DSCAM: variants seen among roughly 807,000 people sequenced by gnomAD.
The protein encoded by DSCAM is cell adhesion molecule DSCAM.
Under a neutral mutation model 217.7 loss-of-function variants are expected in DSCAM, and 47 were observed. The ratio of observed to expected loss-of-function variants is 0.22; its 90% confidence interval spans 0.17 to 0.28. The LOEUF is 0.28. Among genes scored for constraint, DSCAM ranks in the 10% least tolerant of loss-of-function variants. The pLI is 1.00. For missense variants in DSCAM, 2,080 were observed against 2,618.3 expected (o/e 0.79, Z 4.49); for synonymous variants, 1,056 against 1,015.3 (o/e 1.04, Z -0.76).
intron 3 of DSCAM, among the ~76,000 whole-genome samples, chr21:40,413,295 A>G (rs2075340231): frequency 1.3e-5 from 2 of 152,174 alleles, no homozygotes; most frequent in African/African-American, 4.8e-5. Context: ...ATCCACTGAC[A>G]ACTTGCATCA....
At chr21:40,202,626 A>G (rs558670904) in intron 11 of DSCAM, among the ~76,000 whole-genome samples, 57 of 152,328 alleles carry the variant, frequency 3.7e-4, no homozygotes, top group African/African-American at 1.3e-3. Flanking sequence ...GATCTCCTCT[A>G]CCTGAAGATT....
chr21:40,497,296 T>G (rs1472553121), intron 3 of DSCAM, among the ~76,000 whole-genome samples: 2 of 152,184 alleles, frequency 1.3e-5, no homozygotes, highest in East Asian at 3.8e-4. Flanking sequence ...AATATTCAGC[T>G]TTATAAAAAA....
intron 3 of DSCAM, among the ~76,000 whole-genome samples, chr21:40,681,605 A>G (rs2090401667): frequency 6.6e-6 from 1 of 151,992 alleles, no homozygotes; most frequent in African/African-American, 2.4e-5. Flanking sequence ...AAGAATTGGA[A>G]GAATTTGTAA....
chr21:40,706,429 C>T (rs1307179143), intron 2 of DSCAM, among the ~76,000 whole-genome samples: 1 of 151,998 alleles, frequency 6.6e-6, no homozygotes, highest in African/African-American at 2.4e-5. Context: ...ATGAGTAAAC[C>T]TTCCTTCAAT....
intron 3 of DSCAM, among the ~76,000 whole-genome samples, chr21:40,449,625 A>G (rs1227292132): frequency 6.6e-6 from 1 of 152,184 alleles, no homozygotes; most frequent in Non-Finnish European, 1.5e-5. Flanking sequence ...GTTATTTTAA[A>G]AGCTAGTTCT....
chr21:40,783,262 T>C (rs2091563980), intron 1 of DSCAM, among the ~76,000 whole-genome samples: 1 of 152,172 alleles, frequency 6.6e-6, no homozygotes, highest in African/African-American at 2.4e-5. Flanking sequence ...TGATTTACAA[T>C]AGATGAGGTG....
At chr21:40,467,347 A>G (rs935203180) in intron 3 of DSCAM, among the ~76,000 whole-genome samples, 4 of 152,240 alleles carry the variant, frequency 2.6e-5, no homozygotes, top group African/African-American at 9.6e-5. Context: ...GATTTAATCT[A>G]CAAAATAATT....
In DSCAM at chr21:40,682,665, AGGGGGAGGGGAGGGGAGGG is replaced by A. The variant is rs2090418526; in HGVS notation, c.508+10126_508+10144del. Among the ~76,000 whole-genome samples the A allele has an allele frequency of 7.8e-5, 2 of 25,746 alleles. 1 individual carries two copies. The highest frequency in any genetic ancestry group is 2.6e-4 in the African/African-American group (2 of 7,800). 16.9% of individuals were successfully genotyped at this position (25,746 alleles called of 152,430 possible). On this transcript the variant is annotated intron_variant, in intron 3 of 32. Coordinates refer to ENST00000400454, the MANE Select transcript of DSCAM (RefSeq NM_001389.5). ...AGAGGAAGGGAAGGGAAGGGAGCGG[AGGGGGAGGGGAGGGGAGGG>A]GAAGGGAGCGGAGGGGAAGGGAGCG...
intron 16 of DSCAM, among the ~76,000 whole-genome samples, chr21:40,154,557 A>C (rs1417604996): frequency 6.6e-6 from 1 of 152,154 alleles, no homozygotes; most frequent in Non-Finnish European, 1.5e-5. Context: ...TTCCGGTCTC[A>C]AATGATATTT....
chr21:40,259,406 A>AGAC (rs1464491563), intron 11 of DSCAM, among the ~76,000 whole-genome samples: 2 of 152,076 alleles, frequency 1.3e-5, no homozygotes. Flanking sequence ...TTAAGAATAA[A>AGAC]GACTCCACTC....
At chr21:40,074,789 A>G (rs573026721) in intron 27 of DSCAM, among the ~76,000 whole-genome samples, 1 of 152,288 alleles carries the variant, frequency 6.6e-6, no homozygotes, top group Admixed American at 6.5e-5. Context: ...TTGCATACCA[A>G]CAGCTAGGAT....
intron 26 of DSCAM, among the ~76,000 whole-genome samples, chr21:40,077,450 C>G (rs2089382283): frequency 6.6e-6 from 1 of 152,212 alleles, no homozygotes; most frequent in African/African-American, 2.4e-5. Context: ...ACCTCATTAG[C>G]TCCTGGTGGT....
chr21:40,663,024 TGTGTGTGTGTGTGCACATGTGA>T (rs2090155514), intron 3 of DSCAM, among the ~76,000 whole-genome samples: 3 of 150,452 alleles, frequency 2.0e-5, no homozygotes, highest in African/African-American at 7.3e-5. Flanking sequence ...TTGTCAATGA[TGTGTGTGTGTGTGCACATGTGA>T]GTGTGTGTGT....
At chr21:40,217,494 T>C (rs1024876133) in intron 11 of DSCAM, among the ~76,000 whole-genome samples, 4 of 152,134 alleles carry the variant, frequency 2.6e-5, no homozygotes, top group Non-Finnish European at 4.4e-5. Context: ...GTTTGTTGTA[T>C]AGATTATTTC....
Position 40,846,628 on chromosome 21 carries a change from A to C in DSCAM, c.34T>G (p.Phe12Val). 1.5e-6 allele frequency: 2 copies of C among 1,312,630 alleles called. No homozygotes were observed. The highest frequency in any genetic ancestry group is 2.0e-6 in the Non-Finnish European group (2 of 1,025,498). 81.3% of individuals were successfully genotyped at this position (1,312,630 alleles called of 1,614,324 possible). Reference sequence around the variant, plus strand: ...AAACCGAAAGGCTCACCATTCGCGAAGCTCTGGAACAAGGAGAGAGCCAGT... The same window carrying C: ...AAACCGAAAGGCTCACCATTCGCGACGCTCTGGAACAAGGAGAGAGCCAGT... ...WILALSLFQS[F>V]ANVFSEDLHS... Residue 12 changes from phenylalanine (F) to valine (V), a missense_variant, in exon 1 of 33, where the codon TTC becomes GTC. Coordinates refer to ENST00000400454, the MANE Select transcript of DSCAM (RefSeq NM_001389.5).
At chr21:40,624,876 G>T (rs2089578596) in intron 3 of DSCAM, among the ~76,000 whole-genome samples, 1 of 152,066 alleles carries the variant, frequency 6.6e-6, no homozygotes, top group South Asian at 2.1e-4. Flanking sequence ...GTAATTGAAT[G>T]ATAATCTAAA....
At chr21:40,552,906 T>A (rs1027090049) in intron 3 of DSCAM, among the ~76,000 whole-genome samples, 1 of 152,140 alleles carries the variant, frequency 6.6e-6, no homozygotes, top group Non-Finnish European at 1.5e-5. Flanking sequence ...GACTGAAGTA[T>A]TACAGCAATT....
rs1568953345 is a variant in DSCAM at position 40,637,122 on chromosome 21, T to TATATAA, written c.508+55687_508+55688insTTATAT. Reference sequence around the variant, plus strand: ...CCCTTCTCATTCATATATATATATATATATATAAATATATAAATATATATA... The same window carrying TATATAA: ...CCCTTCTCATTCATATATATATATATATATAAATATATAAATATATAAATATATATA... On this transcript the variant is annotated intron_variant, in intron 3 of 32. Coordinates refer to ENST00000400454, the MANE Select transcript of DSCAM (RefSeq NM_001389.5). Among the ~76,000 whole-genome samples, 6 of 50,248 alleles carry TATATAA rather than the reference T, an allele frequency of 1.2e-4. 1 individual carries two copies. Among genetic ancestry groups the TATATAA allele is most frequent in the African/African-American group, 4.5e-4 (6 of 13,194 alleles). 33.0% of individuals were successfully genotyped at this position (50,248 alleles called of 152,430 possible). A position where few individuals can be genotyped will look rare whatever the true frequency, so the allele number is the denominator to read the frequency against.
At chr21:40,305,056 C>T (rs1176152110) in intron 9 of DSCAM, among the ~76,000 whole-genome samples, 1 of 151,968 alleles carries the variant, frequency 6.6e-6, no homozygotes. Flanking sequence ...TTGCCACAAA[C>T]CTTCAACTTG....
Sources: gnomAD v4.1 joint callset for allele counts (sites outside exome capture counted in the v4.1 genomes callset) on GRCh38, gnomAD v4.1.1 for gene constraint, MANE v1.5 for transcripts, NCBI Gene and HGNC (gene_info 2026-07-23, HGNC 2026-07-21) for gene names.